DGKI: variants seen among roughly 807,000 people sequenced by gnomAD.
DGKI encodes diacylglycerol kinase iota.
DGKI carries 55 observed loss-of-function variants against 147.5 expected under a neutral mutation model. That is an observed-to-expected ratio of 0.37 (90% CI 0.30 to 0.47). The LOEUF (loss-of-function observed/expected upper bound fraction) is 0.47, where lower values mean the gene tolerates loss of function less well. DGKI is among the 20% of genes least tolerant of loss of function. The pLI, the probability that DGKI is intolerant of heterozygous loss-of-function variation, is 1.00. For synonymous variants in DGKI, 469 were observed against 477.1 expected, an observed-to-expected ratio of 0.98 and a Z score of 0.22; for missense variants, 1,007 against 1,323.8, an observed-to-expected ratio of 0.76 and a Z score of 3.71.
rs774701094 is a variant in DGKI, at chr7:137,609,049, G to A, written c.1084C>T (p.Arg362Cys). The change falls in exon 10 of 33, where the codon CGT becomes TGT. Residue 362 changes from arginine (R) to cysteine (C), a missense_variant. Transcript: ENST00000614521. Reference sequence around the variant, plus strand: ...GAGATGGGTTTTATCACAAAAGGACGACCTTTGTTTTCCTGCTGAAAGAAG... The same window carrying A: ...GAGATGGGTTTTATCACAAAAGGACAACCTTTGTTTTCCTGCTGAAAGAAG... Reference protein sequence around the residue: ...KRGMEQENKGRPFVIKPISSP... With the variant: ...KRGMEQENKGCPFVIKPISSP... 4.3e-6 allele frequency: 7 copies of A among 1,613,304 alleles called. No homozygotes were observed. The highest frequency in any genetic ancestry group is 2.2e-5 in the South Asian group (2 of 91,042).
chr7:137,469,210 C>T (rs1814783912), intron 24 of DGKI, among the ~76,000 whole-genome samples: 1 of 152,022 alleles, frequency 6.6e-6, no homozygotes, highest in African/African-American at 2.4e-5. Flanking sequence ...AAATTATATC[C>T]ATCCTATGCA....
chr7:137,783,645 T>C lies in DGKI; in HGVS notation c.401+62817A>G, dbSNP rs1336600184. 2.0e-5 allele frequency among the ~76,000 whole-genome samples: 3 copies of C among 152,208 alleles called. No individual in the cohort carries two copies. In the East Asian group the frequency reaches 5.8e-4, roughly 29 times the overall value. ...CAAAGAACACCTGGGAAATTCATTG[T>C]GAAAAGATCATTGCCTAGGCACATA... On this transcript the variant is annotated intron_variant, in intron 1 of 32. Transcript: ENST00000614521.
intron 1 of DGKI, among the ~76,000 whole-genome samples, chr7:137,727,796 T>G (rs3778803): frequency 0.26 from 39,481 of 152,088 alleles, 5,398 homozygotes; most frequent in Middle Eastern, 0.36. Flanking sequence ...AGCAGAAGCT[T>G]AAAACAGACC....
At position 137,387,556 on chromosome 7, in the gene DGKI, G is replaced by A. The variant is rs992712084; in HGVS notation, c.*3664C>T. On this transcript the variant is annotated 3_prime_UTR_variant, in exon 33 of 33. Coordinates refer to ENST00000614521, the MANE Select transcript of DGKI (RefSeq NM_001321708.2). ...TACTTGCATGTGTATATAAATAAATGTCTATATATGTGTGTAAATGTATAT... is the reference window on the plus strand; with the variant it reads ...TACTTGCATGTGTATATAAATAAATATCTATATATGTGTGTAAATGTATAT... 6.6e-6 allele frequency: 1 copy of A among 152,084 alleles called. No individual in the cohort carries two copies. The highest frequency in any genetic ancestry group is 2.4e-5 in the African/African-American group (1 of 41,390). The allele number at this position is 152,084 out of a possible 1,614,324, so 9.4% of individuals were successfully genotyped here.
At chr7:137,609,202 T>G (rs538882089) in intron 9 of DGKI, 138 bp from the exon 10 acceptor site, 4 of 642,740 alleles carry the variant, frequency 6.2e-6, no homozygotes, top group African/African-American at 4.0e-5. Context: ...CATGTAAGGC[T>G]TGGAAGAAAG....
chr7:137,683,632 C>G (rs1563148949), intron 2 of DGKI, among the ~76,000 whole-genome samples: 2 of 152,220 alleles, frequency 1.3e-5, no homozygotes, highest in African/African-American at 2.4e-5. Flanking sequence ...ACATCTTTCT[C>G]TCTTCTCTAC....
intron 25 of DGKI, 95 bp from the exon 26 acceptor site, chr7:137,466,130 C>A: frequency 6.9e-7 from 1 of 1,444,804 alleles, no homozygotes; most frequent in Non-Finnish European, 9.5e-7. Context: ...GTCAAAGGAT[C>A]ACACTGTGTT....
intron 27 of DGKI, among the ~76,000 whole-genome samples, chr7:137,450,009 T>C (rs1027162985): frequency 6.6e-6 from 1 of 152,188 alleles, no homozygotes; most frequent in Non-Finnish European, 1.5e-5. Flanking sequence ...AAGGATATTA[T>C]GTTAAGCTAA....
chr7:137,660,045 G>A (rs1822369238), intron 3 of DGKI, among the ~76,000 whole-genome samples: 2 of 152,186 alleles, frequency 1.3e-5, no homozygotes, highest in Admixed American at 1.3e-4. Flanking sequence ...CATGAAACAT[G>A]TTTAAAAATT....
intron 28 of DGKI, among the ~76,000 whole-genome samples, chr7:137,425,627 A>T (rs535148203): frequency 6.6e-6 from 1 of 152,280 alleles, no homozygotes; most frequent in East Asian, 1.9e-4. Context: ...TTCAAACCAA[A>T]GGCAAACAAG....
chr7:137,508,943 G>T (rs186199283), intron 21 of DGKI, among the ~76,000 whole-genome samples: 2 of 152,216 alleles, frequency 1.3e-5, no homozygotes, highest in East Asian at 3.9e-4. Context: ...GTTACTCATA[G>T]CATTCACATT....
chr7:137,424,680 C>G (rs1321992313), intron 28 of DGKI, among the ~76,000 whole-genome samples: 2 of 152,188 alleles, frequency 1.3e-5, no homozygotes, highest in Non-Finnish European at 1.5e-5. Flanking sequence ...AGGTCACTCC[C>G]ACCCTAATAC....
chr7:137,544,384 G>A (rs759385155), intron 20 of DGKI, among the ~76,000 whole-genome samples: 2 of 152,114 alleles, frequency 1.3e-5, no homozygotes, highest in African/African-American at 4.8e-5. Flanking sequence ...ACAACATTCA[G>A]TTTGGCAATT....
intron 28 of DGKI, among the ~76,000 whole-genome samples, chr7:137,423,157 G>C (rs1812646508): frequency 6.6e-6 from 1 of 152,020 alleles, no homozygotes; most frequent in Non-Finnish European, 1.5e-5. Flanking sequence ...ATCCTGAGAG[G>C]GTAAGAGAAA....
chr7:137,425,369 A>C (rs1812755469), intron 28 of DGKI, among the ~76,000 whole-genome samples: 1 of 152,256 alleles, frequency 6.6e-6, no homozygotes, highest in African/African-American at 2.4e-5. Flanking sequence ...TAACAAACAG[A>C]AAGGACATCC....
At chr7:137,739,869 C>T (rs187359708) in intron 1 of DGKI, among the ~76,000 whole-genome samples, 5 of 152,136 alleles carry the variant, frequency 3.3e-5, no homozygotes, top group Non-Finnish European at 7.4e-5. Context: ...AAATGGCAGT[C>T]AAGAAAAGGT....
chr7:137,558,999 C>T (rs1728493), intron 19 of DGKI, among the ~76,000 whole-genome samples: 15,347 of 147,350 alleles, frequency 0.1, 1,829 homozygotes, highest in African/African-American at 0.29. Context: ...AAAGTGATTA[C>T]AGTATGCTGC....
chr7:137,592,615 T>C (rs1006225508), intron 12 of DGKI, among the ~76,000 whole-genome samples: 4 of 152,232 alleles, frequency 2.6e-5, no homozygotes, highest in African/African-American at 9.6e-5. Context: ...AGATGCACGT[T>C]GCGCTGCCTT....
At chr7:137,400,745 A>G (rs1170665117) in intron 30 of DGKI, among the ~76,000 whole-genome samples, 1 of 151,978 alleles carries the variant, frequency 6.6e-6, no homozygotes, top group Non-Finnish European at 1.5e-5. Context: ...GCTCATAATT[A>G]ATATCTAAAA....
Sources: allele counts gnomAD v4.1 joint callset (sites outside exome capture counted in the v4.1 genomes callset), GRCh38; gene constraint gnomAD v4.1.1; transcripts MANE v1.5; gene names NCBI Gene and HGNC (gene_info 2026-07-23, HGNC 2026-07-21).